The following RBM6 variants were observed in gnomAD, a reference collection of about 807,000 sequenced individuals.
The protein encoded by RBM6 is RNA-binding protein 6.
Under a neutral mutation model 140.4 loss-of-function variants are expected in RBM6, and 23 were observed. The observed-to-expected ratio is 0.16, with a 90% CI of 0.12 to 0.23. The LOEUF (loss-of-function observed/expected upper bound fraction) is 0.23. Ranked by LOEUF, RBM6 falls within the 10% of genes least tolerant of loss-of-function variation. The pLI is 1.00. For synonymous variants in RBM6, 439 were observed against 475.6 expected (o/e 0.92, Z 1.00); for missense variants, 1,139 against 1,386.7 (o/e 0.82, Z 2.84).
At chr3:49,984,606 ACATCACATCG>A (rs1224242349) in intron 5 of RBM6, among the ~76,000 whole-genome samples, 2,061 of 98,878 alleles carry the variant, frequency 0.021, 28 homozygotes, top group Non-Finnish European at 0.019. Flanking sequence ...ACATCACATC[ACATCACATCG>A]CATCGCATCG....
chr3:49,946,913 A>G (rs2083512127), intron 1 of RBM6, among the ~76,000 whole-genome samples: 1 of 146,018 alleles, frequency 6.8e-6, no homozygotes, highest in Admixed American at 6.9e-5. Flanking sequence ...GTGGTTTCTG[A>G]TTTGCATTTC....
chr3:50,008,171 G>C (rs141372302), intron 6 of RBM6, among the ~76,000 whole-genome samples: 13 of 152,122 alleles, frequency 8.5e-5, no homozygotes, highest in African/African-American at 2.9e-4. Flanking sequence ...TATGAGAGGT[G>C]CTCTAAACGA....
intron 6 of RBM6, among the ~76,000 whole-genome samples, chr3:50,020,694 G>GTA (rs548832436): frequency 6.6e-6 from 1 of 152,106 alleles, no homozygotes; most frequent in Non-Finnish European, 1.5e-5. Flanking sequence ...AACCTAAATG[G>GTA]TATAGCCTGC....
In RBM6 at chr3:49,972,235, G is replaced by T. The variant is rs1002981422; in HGVS notation, c.1413+87G>T. On this transcript the variant is annotated intron_variant, in intron 4 of 20. Coordinates refer to ENST00000266022, the MANE Select transcript of RBM6 (RefSeq NM_005777.3). ...TTGAAAAATTGTAGATTCACAAGAA[G>T]GTGCAAAGAAATGCACAGAGAAGTC... is the stretch of plus-strand genomic sequence containing the variant. The T allele has an allele frequency of 2.3e-5, 24 of 1,054,412 alleles. No individual in the cohort carries two copies. The South Asian group carries it at 3.6e-4, about 16-fold the overall frequency. The allele number at this position is 1,054,412 out of a possible 1,614,324, so 65.3% of individuals were successfully genotyped here. A position where few individuals can be genotyped will look rare whatever the true frequency, so the allele number is the denominator to read the frequency against.
At chr3:50,062,236 G>A (rs945404213) in intron 15 of RBM6, 128 bp downstream of exon 15, 5 of 1,132,990 alleles carry the variant, frequency 4.4e-6, no homozygotes, top group Non-Finnish European at 4.8e-6. Context: ...CGGGCGTGGT[G>A]GCTAACGCCT....
intron 6 of RBM6, among the ~76,000 whole-genome samples, chr3:50,041,539 T>C (rs992258220): frequency 1.3e-5 from 2 of 152,242 alleles, no homozygotes; most frequent in African/African-American, 4.8e-5. Context: ...TTACAAAGGA[T>C]TTCTATAAAA....
Position 50,077,031 on chromosome 3 carries a change from C to T in RBM6, c.3270C>T (p.Pro1090=). ...SEEAEGRMRG[P]SVGASGRTSK... ...AGGCTGAAGGCCGGATGAGGGGCCCCAGTGTTGGAGCCTCAGGAAGAACCA... is the reference window on the plus strand; with the variant it reads ...AGGCTGAAGGCCGGATGAGGGGCCCTAGTGTTGGAGCCTCAGGAAGAACCA... Residue 1090 remains proline (P), a synonymous_variant, in exon 21 of 21, where the codon CCC becomes CCT. Transcript: ENST00000266022. 6.2e-7 allele frequency: 1 copy of T among 1,611,970 alleles called. No homozygotes were observed.
intron 6 of RBM6, 64 bp downstream of exon 6, chr3:49,999,577 G>A: frequency 7.6e-7 from 1 of 1,314,844 alleles, no homozygotes; most frequent in South Asian, 1.2e-5. Context: ...GGGGAGGGAG[G>A]GTTTCAAATG....
intron 6 of RBM6, among the ~76,000 whole-genome samples, chr3:50,040,505 C>CACACACACGTGTGTATATATAT (rs2088848317): frequency 7.1e-6 from 1 of 140,478 alleles, no homozygotes; most frequent in South Asian, 2.2e-4. Context: ...CACACACACA[C>CACACACACGTGTGTATATATAT]ACACACACAC....
intron 15 of RBM6, 46 bp from the exon 16 acceptor site, chr3:50,064,985 T>C: frequency 6.6e-7 from 1 of 1,512,216 alleles, no homozygotes; most frequent in South Asian, 1.1e-5. Flanking sequence ...CCTTTATCAG[T>C]TATTATGAGT....
chr3:50,036,243 A>G (rs2088531514), intron 6 of RBM6, among the ~76,000 whole-genome samples: 2 of 152,360 alleles, frequency 1.3e-5, no homozygotes, highest in South Asian at 4.1e-4. Flanking sequence ...ACAAACTACA[A>G]GAGATGCCTT....
intron 19 of RBM6, among the ~76,000 whole-genome samples, 192 bp downstream of exon 19, chr3:50,070,744 T>C (rs1054889812): frequency 1.3e-5 from 2 of 152,212 alleles, no homozygotes; most frequent in Admixed American, 1.3e-4. Flanking sequence ...ACATGGAAGG[T>C]TGGCTGGCAG....
At chr3:50,061,715 CT>C in intron 14 of RBM6, 168 bp downstream of exon 14, 1 of 1,423,688 alleles carries the variant, frequency 7.0e-7, no homozygotes, top group Non-Finnish European at 9.2e-7. Context: ...GAACTGTTGC[CT>C]ATATGGAAAA....
intron 1 of RBM6, among the ~76,000 whole-genome samples, chr3:49,952,446 A>C (rs2083777408): frequency 6.6e-6 from 1 of 151,406 alleles, no homozygotes; most frequent in South Asian, 2.1e-4. Context: ...GATTAAAGAC[A>C]TGAGCACTGT....
intron 1 of RBM6, among the ~76,000 whole-genome samples, chr3:49,959,122 A>G (rs1406912444): frequency 6.7e-6 from 1 of 150,266 alleles, no homozygotes; most frequent in African/African-American, 2.4e-5. Context: ...ATTTCTTACA[A>G]GGTCTGTATA....
rs760485813 is a variant in RBM6 at position 50,062,024 on chromosome 3, A to G, written c.2502A>G (p.Lys834=). 2 of 1,614,066 alleles carry G rather than the reference A, an allele frequency of 1.2e-6. No individual in the cohort carries two copies. The highest frequency in any genetic ancestry group is 1.1e-5 in the South Asian group (1 of 91,070). ...AGGAAGAAGAGATCAAGGAAAAAAAACCCACCAGTCAAGGAAAGTCAAGTA... is the reference window on the plus strand; with the variant it reads ...AGGAAGAAGAGATCAAGGAAAAAAAGCCCACCAGTCAAGGAAAGTCAAGTA... ...LPEEEEIKEK[K]PTSQGKSSSK... The change falls in exon 15 of 21, where the codon AAA becomes AAG. Residue 834 remains lysine (K), a synonymous_variant. Transcript: ENST00000266022.
At chr3:50,073,110 G>A (rs1030876967) in intron 19 of RBM6, among the ~76,000 whole-genome samples, 1 of 152,120 alleles carries the variant, frequency 6.6e-6, no homozygotes, top group African/African-American at 2.4e-5. Context: ...CAGAGTAGCA[G>A]CATCATAGCA....
chr3:50,033,093 T>G (rs2088279678), intron 6 of RBM6, among the ~76,000 whole-genome samples: 1 of 151,956 alleles, frequency 6.6e-6, no homozygotes, highest in Admixed American at 6.6e-5. Context: ...GGTCAGGAGT[T>G]TGAGACCAGC....
At chr3:50,043,499 A>G (rs1559623728) in intron 6 of RBM6, among the ~76,000 whole-genome samples, 1 of 143,384 alleles carries the variant, frequency 7.0e-6, no homozygotes, top group East Asian at 2.2e-4. Flanking sequence ...AAAAAAAAAA[A>G]GAGAGATCTA....
Sources: gnomAD v4.1 joint callset for allele counts (sites outside exome capture counted in the v4.1 genomes callset) on GRCh38, gnomAD v4.1.1 for gene constraint, MANE v1.5 for transcripts, NCBI Gene and HGNC (gene_info 2026-07-23, HGNC 2026-07-21) for gene names.